DIAPH3: variants seen among roughly 807,000 people sequenced by gnomAD.
DIAPH3 encodes protein diaphanous homolog 3.
In DIAPH3, 117 loss-of-function variants were observed where a neutral mutation model predicts 144.3. That is an observed-to-expected ratio of 0.81 (90% CI 0.70 to 0.95). DIAPH3 has a LOEUF of 0.95. Among genes scored for constraint, DIAPH3 ranks in the 40% least tolerant of loss-of-function variants. The pLI is 0.00. For missense variants in DIAPH3, 1,421 were observed against 1,412.7 expected (o/e 1.01, Z -0.09); for synonymous variants, 519 against 488.9 (o/e 1.06, Z -0.81).
intron 23 of DIAPH3, among the ~76,000 whole-genome samples, chr13:59,833,738 G>C (rs183657069): frequency 1.3e-5 from 2 of 151,600 alleles, no homozygotes; most frequent in Non-Finnish European, 3.0e-5. Context: ...GTGCCTTCAT[G>C]TCTCTGTGCT....
chr13:59,912,035 T>G (rs1046881376), intron 19 of DIAPH3, among the ~76,000 whole-genome samples, 199 bp from the exon 20 acceptor site: 1 of 152,150 alleles, frequency 6.6e-6, no homozygotes, highest in Non-Finnish European at 1.5e-5. Flanking sequence ...TATCCCAGAG[T>G]TATTATATAT....
chr13:59,774,324 C>G lies in DIAPH3; in HGVS notation c.3260-76G>C, dbSNP rs78933251. On this transcript the variant is annotated intron_variant, in intron 26 of 27. Coordinates refer to ENST00000400324, the MANE Select transcript of DIAPH3 (RefSeq NM_001042517.2). ...AAGAAGGAAAACAGTATTAGACATA[C>G]TTTTTTCCAAGGTTATGTATTTCTG... 23,030 of 1,251,808 alleles carry G rather than the reference C, an allele frequency of 0.018. 625 individuals carry two copies. Among genetic ancestry groups the G allele is most frequent in the East Asian group, 0.11 (4,406 of 39,828 alleles). The allele number at this position is 1,251,808 out of a possible 1,614,324, so 77.5% of individuals were successfully genotyped here.
In DIAPH3 at chr13:59,833,229, T is replaced by G. The variant is rs780301780; in HGVS notation, c.2905A>C (p.Lys969Gln). The stretch of plus-strand genomic sequence containing the variant: ...AACTTTTCCATGTTTTCGTGTAACT[T>G]CGAAAGTGTCTCATATTGTTCTTTT... Reference protein sequence around the residue: ...SAKEQYETLSKLHENMEKLYQ... With the variant: ...SAKEQYETLSQLHENMEKLYQ... The change falls in exon 24 of 28, where the codon AAG becomes CAG. Residue 969 changes from lysine to glutamine, a missense_variant. Coordinates refer to ENST00000400324, the MANE Select transcript of DIAPH3 (RefSeq NM_001042517.2). 6.2e-7 allele frequency: 1 copy of G among 1,609,776 alleles called. No individual in the cohort carries two copies. Among genetic ancestry groups the G allele is most frequent in the South Asian group, 1.1e-5 (1 of 90,726 alleles).
At chr13:59,948,840 A>AGAAGGAAGGAAGGAAGGAAG (rs202029127) in intron 17 of DIAPH3, among the ~76,000 whole-genome samples, 16 of 133,572 alleles carry the variant, frequency 1.2e-4, no homozygotes, top group Non-Finnish European at 1.6e-4. Context: ...ATAAAAAGAA[A>AGAAGGAAGGAAGGAAGGAAG]GAAGGAAGGA....
chr13:60,139,760 T>C (rs554841097), intron 1 of DIAPH3, among the ~76,000 whole-genome samples: 2 of 152,356 alleles, frequency 1.3e-5, no homozygotes, highest in East Asian at 3.9e-4. Flanking sequence ...ATATTCTTTT[T>C]CCTTGAATGA....
intron 27 of DIAPH3, among the ~76,000 whole-genome samples, chr13:59,670,664 G>A (rs2138585293): frequency 6.7e-6 from 1 of 150,364 alleles, no homozygotes; most frequent in African/African-American, 2.4e-5. Context: ...CTCACTGCAA[G>A]CTCCACCTCC....
At chr13:59,749,119 CAGG>C (rs1187615265) in intron 27 of DIAPH3, among the ~76,000 whole-genome samples, 2 of 142,126 alleles carry the variant, frequency 1.4e-5, no homozygotes, top group African/African-American at 5.3e-5. Context: ...GAGGCTGAGG[CAGG>C]AGAATCGCTT....
At chr13:59,905,333 ACT>A (rs1301311667) in intron 20 of DIAPH3, among the ~76,000 whole-genome samples, 6 of 117,652 alleles carry the variant, frequency 5.1e-5, no homozygotes, top group African/African-American at 2.1e-4. Context: ...ACAGAGCGAG[ACT>A]CTGTCTCAAA....
At chr13:59,710,713 G>GC (rs1398041695) in intron 27 of DIAPH3, among the ~76,000 whole-genome samples, 1 of 152,154 alleles carries the variant, frequency 6.6e-6, no homozygotes, top group African/African-American at 2.4e-5. Context: ...AAATATCCTA[G>GC]CAGAGTATCA....
intron 22 of DIAPH3, among the ~76,000 whole-genome samples, chr13:59,851,007 C>A (rs10467572): frequency 3.4e-5 from 5 of 147,808 alleles, no homozygotes; most frequent in Middle Eastern, 3.4e-3. Flanking sequence ...AAAGAGGGAA[C>A]CCTCCCTAAC....
chr13:60,026,852 G>C (rs1474835100), intron 5 of DIAPH3, among the ~76,000 whole-genome samples: 2 of 151,798 alleles, frequency 1.3e-5, no homozygotes, highest in South Asian at 2.1e-4. Flanking sequence ...TTTGTAATAA[G>C]AAAAATATTT....
intron 27 of DIAPH3, among the ~76,000 whole-genome samples, chr13:59,698,386 A>G (rs1347516771): frequency 2.6e-5 from 4 of 152,212 alleles, no homozygotes; most frequent in East Asian, 1.9e-4. Flanking sequence ...GTGAGGTAAC[A>G]CAAGCCTATT....
At chr13:60,102,771 ACTGACCC>A (rs995092053) in intron 3 of DIAPH3, among the ~76,000 whole-genome samples, 25 of 152,120 alleles carry the variant, frequency 1.6e-4, no homozygotes, top group Non-Finnish European at 2.6e-4. Context: ...CAATATAACG[ACTGACCC>A]CTGCCAAGTA....
intron 25 of DIAPH3, among the ~76,000 whole-genome samples, chr13:59,797,889 T>C (rs2039696264): frequency 6.6e-6 from 1 of 152,172 alleles, no homozygotes; most frequent in African/African-American, 2.4e-5. Flanking sequence ...AACAAATTTG[T>C]TTTTATTTTC....
At chr13:60,002,496 C>T (rs1214468087) in intron 9 of DIAPH3, among the ~76,000 whole-genome samples, 1 of 152,212 alleles carries the variant, frequency 6.6e-6, no homozygotes, top group African/African-American at 2.4e-5. Flanking sequence ...ACTCAGCCTA[C>T]TGCTATTGCT....
rs1481811713 is a variant in DIAPH3 at position 59,980,794 on chromosome 13, C to T, written c.1545+1G>A. 2 of 1,608,540 alleles carry T rather than the reference C, an allele frequency of 1.2e-6. No homozygotes were observed. Among genetic ancestry groups the T allele is most frequent in the Non-Finnish European group, 1.7e-6 (2 of 1,176,374 alleles). ...CTATAAAGTTAGTGAAAACTACTTA[C>T]TTTCTTGTAAAGTTCTGATGCTTTC... On this transcript the variant is annotated splice_donor_variant, in intron 14 of 27. Transcript: ENST00000400324. LOFTEE classifies it high-confidence loss of function.
intron 21 of DIAPH3, among the ~76,000 whole-genome samples, chr13:59,870,458 G>C (rs145878317): frequency 6.6e-6 from 1 of 151,864 alleles, no homozygotes; most frequent in East Asian, 1.9e-4. Context: ...GCTATTCTGG[G>C]TCTTTTGCCT....
intron 13 of DIAPH3, 56 bp downstream of exon 13, chr13:59,983,713 C>G (rs781678997): frequency 5.4e-5 from 65 of 1,214,552 alleles, no homozygotes; most frequent in Non-Finnish European, 7.2e-5. Context: ...TGCCCTAGAG[C>G]TCATTCATAG....
intron 21 of DIAPH3, among the ~76,000 whole-genome samples, chr13:59,870,612 A>C (rs2044198591): frequency 6.6e-6 from 1 of 152,008 alleles, no homozygotes; most frequent in South Asian, 2.1e-4. Context: ...ATGAACATGA[A>C]ATGTCTATTA....
Sources: gnomAD v4.1 joint callset for allele counts (sites outside exome capture counted in the v4.1 genomes callset) on GRCh38, gnomAD v4.1.1 for gene constraint, MANE v1.5 for transcripts, NCBI Gene and HGNC (gene_info 2026-07-23, HGNC 2026-07-21) for gene names.